Variants in ARNT2 observed in about 807,000 individuals in gnomAD.
ARNT2 encodes ARNT protein 2.
ARNT2 carries 36 observed loss-of-function variants against 91.7 expected under a neutral mutation model. The observed-to-expected ratio is 0.39, with a 90% CI of 0.30 to 0.52. The LOEUF is 0.52. ARNT2 is among the 20% of genes least tolerant of loss of function. The probability of loss-of-function intolerance (pLI) is 0.72; values close to 1 mark genes in which losing one functional copy is unlikely to be tolerated. For synonymous variants in ARNT2, 365 were observed against 347.1 expected, an observed-to-expected ratio of 1.05 and a Z score of -0.57; for missense variants, 775 against 939.3, an observed-to-expected ratio of 0.83 and a Z score of 2.29.
At chr15:80,430,348 C>T (rs1245712492) in intron 1 of ARNT2, among the ~76,000 whole-genome samples, 3 of 152,188 alleles carry the variant, frequency 2.0e-5, no homozygotes, top group Admixed American at 2.0e-4. Flanking sequence ...CCTCCAGACT[C>T]CAGAGTTAGG....
intron 3 of ARNT2, among the ~76,000 whole-genome samples, chr15:80,468,604 C>T (rs576258586): frequency 6.6e-6 from 1 of 152,102 alleles, no homozygotes; most frequent in Non-Finnish European, 1.5e-5. Flanking sequence ...CCTCCCTACC[C>T]CTTCTAGCAC....
At chr15:80,498,147 C>A (rs1394286227) in intron 5 of ARNT2, among the ~76,000 whole-genome samples, 1 of 152,190 alleles carries the variant, frequency 6.6e-6, no homozygotes, top group Non-Finnish European at 1.5e-5. Context: ...TAAACTGGAA[C>A]AAGTTCTACC....
chr15:80,537,835 A>G (rs1456358169), intron 8 of ARNT2, among the ~76,000 whole-genome samples: 1 of 152,184 alleles, frequency 6.6e-6, no homozygotes, highest in African/African-American at 2.4e-5. Context: ...CTAACTATTT[A>G]TAACAGTGCT....
At chr15:80,518,464 A>G (rs1030641014) in intron 8 of ARNT2, among the ~76,000 whole-genome samples, 1 of 151,712 alleles carries the variant, frequency 6.6e-6, no homozygotes, top group Non-Finnish European at 1.5e-5. Context: ...TATTTTTAGT[A>G]GAGGTGGGGT....
In ARNT2 at chr15:80,575,066, A is replaced by G. The variant is rs1352344762; in HGVS notation, c.1469A>G (p.Glu490Gly). The G allele has an allele frequency of 1.2e-6, 2 of 1,614,232 alleles. No individual in the cohort carries two copies. Among genetic ancestry groups the G allele is most frequent in the South Asian group, 1.1e-5 (1 of 91,088 alleles). Residue 490 changes from glutamate (E) to glycine (G), a missense_variant, in exon 14 of 19, where the codon GAA (glutamate) becomes GGA (glycine). Around this residue, in one of 5 missense-constraint regions of ARNT2, gnomAD observed 325 missense variants for 359.9 expected, o/e 0.90. Coordinates refer to ENST00000303329, the MANE Select transcript of ARNT2 (RefSeq NM_014862.4). ...VEKADAIFSQ[E>G]RDPRFAEMFA... The stretch of plus-strand genomic sequence containing the variant: ...AAGGCGGATGCAATCTTCTCCCAGG[A>G]AAGAGATCCTCGGTTTGCTGAAATG...
chr15:80,571,525 C>A (rs1898583277), intron 12 of ARNT2, among the ~76,000 whole-genome samples: 1 of 152,174 alleles, frequency 6.6e-6, no homozygotes, highest in Non-Finnish European at 1.5e-5. Context: ...TGAAGTTAAC[C>A]ATTGTGGAAA....
At chr15:80,520,026 A>C (rs1897513767) in intron 8 of ARNT2, among the ~76,000 whole-genome samples, 1 of 138,744 alleles carries the variant, frequency 7.2e-6, no homozygotes, top group African/African-American at 2.7e-5. Flanking sequence ...AAATCTTTGT[A>C]CCTATCTTAT....
intron 5 of ARNT2, among the ~76,000 whole-genome samples, chr15:80,493,330 C>T (rs1897081563): frequency 6.8e-6 from 1 of 146,904 alleles, no homozygotes; most frequent in African/African-American, 2.5e-5. Flanking sequence ...TTGGAGGACA[C>T]ATTCAAACCA....
At chr15:80,571,658 C>A (rs536732124) in intron 12 of ARNT2, among the ~76,000 whole-genome samples, 1 of 152,330 alleles carries the variant, frequency 6.6e-6, no homozygotes, top group African/African-American at 2.4e-5. Context: ...CACCACGGCT[C>A]TCACAGGTCT....
At chr15:80,490,564 C>G (rs1897040866) in intron 5 of ARNT2, among the ~76,000 whole-genome samples, 1 of 152,200 alleles carries the variant, frequency 6.6e-6, no homozygotes, top group African/African-American at 2.4e-5. Flanking sequence ...GAGGTTTACC[C>G]AAAATAACCT....
At chr15:80,444,730 G>A (rs1303845769) in intron 1 of ARNT2, 1 of 147,144 alleles carries the variant, frequency 6.8e-6, no homozygotes, top group Non-Finnish European at 1.5e-5. Context: ...TGTATGAGTT[G>A]ATGTGAGTGG....
chr15:80,404,559 CT>C lies in ARNT2; in HGVS notation c.31+14del. 1 of 1,117,970 alleles carries C rather than the reference CT, an allele frequency of 8.9e-7. No homozygotes were observed. 69.3% of individuals were successfully genotyped at this position (1,117,970 alleles called of 1,614,324 possible). On this transcript the variant is annotated intron_variant, in intron 1 of 18. Transcript: ENST00000303329. The surrounding 1 kb of genome is among the most constrained non-coding windows in gnomAD (Gnocchi z 5.5). ...GTCAACCCTCCGGGTGAGTAGCGGC[CT>C]GGGCCCCGCCGCCCGCCGCAGCCCG...
Position 80,481,409 on chromosome 15 carries a change from T to C in ARNT2, c.622+6186T>C, listed in dbSNP as rs77859948. 3.9e-3 allele frequency among the ~76,000 whole-genome samples: 598 copies of C among 152,296 alleles called. 3 individuals carry two copies. The highest frequency in any genetic ancestry group is 0.014 in the African/African-American group (564 of 41,556). ...GACACTCGGTGCATGTTGCATTTATTCTTCTCATTAAACCATCACAGCTGG... is the reference window on the plus strand; with the variant it reads ...GACACTCGGTGCATGTTGCATTTATCCTTCTCATTAAACCATCACAGCTGG... On this transcript the variant is annotated intron_variant, in intron 5 of 18. Transcript: ENST00000303329.
chr15:80,428,369 G>C (rs184709193), intron 1 of ARNT2, among the ~76,000 whole-genome samples: 1 of 152,368 alleles, frequency 6.6e-6, no homozygotes, highest in Admixed American at 6.5e-5. Context: ...TACAGATGGA[G>C]AGGAATCAGA....
chr15:80,512,547 G>A (rs1467114283), intron 6 of ARNT2, among the ~76,000 whole-genome samples: 2 of 152,236 alleles, frequency 1.3e-5, no homozygotes, highest in Non-Finnish European at 2.9e-5. Context: ...GCATTGCTGT[G>A]CATCCAGAGA....
rs116890865 is a variant in ARNT2 at position 80,569,952 on chromosome 15, A to G, written c.1317-4196A>G. Among the ~76,000 whole-genome samples, 1,391 of 152,370 alleles carry G rather than the reference A, an allele frequency of 9.1e-3. 17 individuals carry two copies. The highest frequency in any genetic ancestry group is 0.015 in the Non-Finnish European group (1,034 of 68,038). On this transcript the variant is annotated intron_variant, in intron 12 of 18. Coordinates refer to ENST00000303329, the MANE Select transcript of ARNT2 (RefSeq NM_014862.4). ...AGAGAATGGTTCATGGATTGCTGCC[A>G]TCATGGGGAGTTCACTGCTTCAACC...
chr15:80,449,999 T>C (rs1356891437), intron 1 of ARNT2, among the ~76,000 whole-genome samples: 2 of 152,210 alleles, frequency 1.3e-5, no homozygotes, highest in African/African-American at 2.4e-5. Context: ...CAGAGGCCAC[T>C]TGAAACATTT....
At chr15:80,521,442 A>G (rs1897544099) in intron 8 of ARNT2, among the ~76,000 whole-genome samples, 1 of 152,228 alleles carries the variant, frequency 6.6e-6, no homozygotes, top group Non-Finnish European at 1.5e-5. Context: ...TTTGTAAAAT[A>G]AAAGCAAATA....
chr15:80,456,124 C>T (rs1896478204), intron 2 of ARNT2, among the ~76,000 whole-genome samples: 1 of 152,144 alleles, frequency 6.6e-6, no homozygotes, highest in Admixed American at 6.5e-5. Flanking sequence ...ATATTGATAG[C>T]TTTGATTCGT....
Sources: allele counts gnomAD v4.1 joint callset (sites outside exome capture counted in the v4.1 genomes callset), GRCh38; gene constraint gnomAD v4.1.1; regional missense constraint gnomAD v4.1.1; non-coding constraint Gnocchi (gnomAD v3.1); transcripts MANE v1.5; gene names NCBI Gene and HGNC (gene_info 2026-07-23, HGNC 2026-07-21).